Variants in IL1RAPL1 observed in about 807,000 individuals in gnomAD.
IL1RAPL1 encodes the protein interleukin-1 receptor accessory protein-like 1.
IL1RAPL1 carries 3 observed loss-of-function variants against 48.4 expected under a neutral mutation model. That is an observed-to-expected ratio of 0.06 (90% CI 0.03 to 0.16). The LOEUF (loss-of-function observed/expected upper bound fraction) is 0.16. Among genes scored for constraint, IL1RAPL1 ranks in the 10% least tolerant of loss-of-function variants. The pLI, the probability that IL1RAPL1 is intolerant of heterozygous loss-of-function variation, is 1.00. For missense variants in IL1RAPL1, 349 were observed against 530.6 expected (o/e 0.66, Z 3.36); for synonymous variants, 185 against 187.7 (o/e 0.99, Z 0.12).
At chrX:29,310,969 GT>G (rs1308968701) in intron 3 of IL1RAPL1, among the ~76,000 whole-genome samples, 1 of 111,446 alleles carries the variant, frequency 9.0e-6, no homozygotes, top group Non-Finnish European at 1.9e-5. Flanking sequence ...CTAAATTGGT[GT>G]TTTTTTCCCC....
At chrX:29,190,663 G>A (rs1236362673) in intron 2 of IL1RAPL1, among the ~76,000 whole-genome samples, 2 of 112,283 alleles carry the variant, frequency 1.8e-5, no homozygotes, top group Non-Finnish European at 3.8e-5. Context: ...ATGCCGATGT[G>A]TGTTGAACCA....
intron 5 of IL1RAPL1, among the ~76,000 whole-genome samples, chrX:29,657,215 T>C (rs1476888310): frequency 1.8e-5 from 2 of 111,934 alleles, no homozygotes; most frequent in Non-Finnish European, 3.8e-5. Flanking sequence ...TATGTGGTTA[T>C]CATAGGGCAG....
At chrX:29,158,491 A>C (rs755435726) in intron 2 of IL1RAPL1, among the ~76,000 whole-genome samples, 5 of 111,249 alleles carry the variant, frequency 4.5e-5, no homozygotes, top group Admixed American at 9.6e-5. Flanking sequence ...CTCAAGTCTT[A>C]GCCTCCCCTG....
intron 7 of IL1RAPL1, among the ~76,000 whole-genome samples, chrX:29,919,556 T>G (rs992570318): frequency 8.9e-6 from 1 of 112,722 alleles, no homozygotes; most frequent in African/African-American, 3.2e-5. Context: ...TTTTCTTTTC[T>G]TTTTTAAAAA....
chrX:28,696,720 T>A (rs2146927980), intron 1 of IL1RAPL1, among the ~76,000 whole-genome samples: 1 of 111,211 alleles, frequency 9.0e-6, no homozygotes, highest in African/African-American at 3.2e-5. Context: ...TAAGTATAAT[T>A]TTATAAGTAA....
chrX:29,728,502 A>G (rs1927837313), intron 6 of IL1RAPL1, among the ~76,000 whole-genome samples: 1 of 111,965 alleles, frequency 8.9e-6, no homozygotes, highest in Non-Finnish European at 1.9e-5. Context: ...ACTTCTATAA[A>G]TCTGACAAAT....
rs1569172713 is a variant in IL1RAPL1, at chrX:29,802,785, G to GTATATATATGTATACA, written c.779-114678_779-114677insATATATATGTATACAT. 2.0e-3 allele frequency among the ~76,000 whole-genome samples: 41 copies of GTATATATATGTATACA among 20,893 alleles called. 1 individual carries two copies. The highest frequency in any genetic ancestry group is 7.0e-3 in the African/African-American group (36 of 5,138). 18.1% of individuals were successfully genotyped at this position (20,893 alleles called of 115,157 possible). Reference sequence around the variant, plus strand: ...TATATATATATATATATATATATGTGTGTGTGTATATATATATATATATAT... The same window carrying GTATATATATGTATACA: ...TATATATATATATATATATATATGTGTATATATATGTATACATGTGTGTATATATATATATATATAT... On this transcript the variant is annotated intron_variant, in intron 6 of 10. Coordinates refer to ENST00000378993, the MANE Select transcript of IL1RAPL1 (RefSeq NM_014271.4).
At chrX:29,736,476 G>A (rs1439893306) in intron 6 of IL1RAPL1, among the ~76,000 whole-genome samples, 2 of 112,155 alleles carry the variant, frequency 1.8e-5, no homozygotes, top group African/African-American at 3.2e-5. Context: ...CTGTAATCCC[G>A]GAACTCTGGG....
intron 8 of IL1RAPL1, among the ~76,000 whole-genome samples, chrX:29,920,829 GAAAGA>G (rs1283038690): frequency 1.3e-5 from 1 of 74,276 alleles, no homozygotes; most frequent in African/African-American, 4.9e-5. Context: ...GAAAAGAAAA[GAAAGA>G]AAAGAGAAAA....
At chrX:28,862,464 C>T (rs978871205) in intron 2 of IL1RAPL1, among the ~76,000 whole-genome samples, 1 of 111,586 alleles carries the variant, frequency 9.0e-6, no homozygotes, top group Non-Finnish European at 1.9e-5. Context: ...TTAAATTGGG[C>T]AGAGAAAAGA....
At chrX:28,654,583 G>A (rs1448017888) in intron 1 of IL1RAPL1, among the ~76,000 whole-genome samples, 1 of 112,209 alleles carries the variant, frequency 8.9e-6, no homozygotes, top group African/African-American at 3.2e-5. Context: ...TAAATGGAAT[G>A]TGATTTGTGT....
chrX:29,845,934 A>G (rs1439868010), intron 6 of IL1RAPL1, among the ~76,000 whole-genome samples: 1 of 110,428 alleles, frequency 9.1e-6, no homozygotes, highest in African/African-American at 3.3e-5. Context: ...TTGAGAACTC[A>G]CTTAGTATCA....
chrX:29,504,029 C>T (rs1272088942), intron 5 of IL1RAPL1, among the ~76,000 whole-genome samples: 2 of 104,892 alleles, frequency 1.9e-5, no homozygotes, highest in African/African-American at 7.0e-5. Context: ...GGCGTGATCT[C>T]GACTCACTGC....
chrX:29,903,862 G>T (rs983263919), intron 6 of IL1RAPL1, among the ~76,000 whole-genome samples: 1 of 111,905 alleles, frequency 8.9e-6, no homozygotes, highest in African/African-American at 3.3e-5. Context: ...GAAGCATTTA[G>T]TGCAATTTAC....
At chrX:29,435,994 G>A (rs1041405445) in intron 5 of IL1RAPL1, among the ~76,000 whole-genome samples, 3 of 109,468 alleles carry the variant, frequency 2.7e-5, no homozygotes, top group African/African-American at 9.9e-5. Flanking sequence ...CATAACTTCC[G>A]ATTGAAAAAT....
intron 2 of IL1RAPL1, among the ~76,000 whole-genome samples, chrX:29,166,553 C>T (rs1463753076): frequency 9.0e-6 from 1 of 111,527 alleles, no homozygotes; most frequent in Non-Finnish European, 1.9e-5. Context: ...TTTGTTTACT[C>T]ATCATTCAGG....
chrX:28,621,459 C>A (rs957079099), intron 1 of IL1RAPL1, among the ~76,000 whole-genome samples: 1 of 111,998 alleles, frequency 8.9e-6, no homozygotes, highest in Admixed American at 9.6e-5. Context: ...TGGCAATGCA[C>A]CTTCCTCTTT....
chrX:29,008,588 A>C (rs1914238394), intron 2 of IL1RAPL1, among the ~76,000 whole-genome samples: 1 of 112,746 alleles, frequency 8.9e-6, no homozygotes, highest in Non-Finnish European at 1.9e-5. Context: ...ACAAATACAT[A>C]AAATTATTTT....
chrX:28,689,791 C>T (rs987066722), intron 1 of IL1RAPL1, among the ~76,000 whole-genome samples: 8 of 111,577 alleles, frequency 7.2e-5, no homozygotes, highest in Non-Finnish European at 1.3e-4. Flanking sequence ...AGAATACTCA[C>T]GACTTACCCT....
Sources: allele counts gnomAD v4.1 joint callset (sites outside exome capture counted in the v4.1 genomes callset), GRCh38; gene constraint gnomAD v4.1.1; transcripts MANE v1.5; gene names NCBI Gene and HGNC (gene_info 2026-07-23, HGNC 2026-07-21).